MAF: variants seen among roughly 807,000 people sequenced by gnomAD.
MAF encodes transcription factor Maf.
A neutral mutation model predicts 22.0 loss-of-function variants in MAF; 10 were observed. The observed-to-expected ratio is 0.45, with a 90% CI of 0.28 to 0.77. MAF has a LOEUF of 0.77. MAF is among the 30% of genes least tolerant of loss of function. MAF has a pLI of 0.12. For missense variants in MAF, 544 were observed against 548.4 expected (o/e 0.99, Z 0.08); for synonymous variants, 337 against 255.8 (o/e 1.32, Z -3.03).
the MAF span, among the ~76,000 whole-genome samples, chr16:79,455,831 A>C: frequency 2.0e-5 from 3 of 152,158 alleles, no homozygotes. Context: ...CAGCCTGGCC[A>C]ACACGGTGAA....
the MAF span, among the ~76,000 whole-genome samples, chr16:79,396,410 G>C: frequency 5.3e-5 from 8 of 152,212 alleles, no homozygotes; most frequent in Non-Finnish European, 7.3e-5. Context: ...GTTCAAAGAA[G>C]TGGAAACCAC....
chr16:79,364,910 G>A, the MAF span, among the ~76,000 whole-genome samples: 1 of 152,186 alleles, frequency 6.6e-6, no homozygotes, highest in African/African-American at 2.4e-5. Context: ...GTTTATTTGA[G>A]CATTCAGTGA....
the MAF span, among the ~76,000 whole-genome samples, chr16:79,335,298 C>A: frequency 3.9e-5 from 6 of 152,026 alleles, no homozygotes; most frequent in South Asian, 1.2e-3. Flanking sequence ...CTCTTCAAAT[C>A]ATTCTTTATG....
chr16:79,368,882 T>G, the MAF span, among the ~76,000 whole-genome samples: 4 of 152,218 alleles, frequency 2.6e-5, no homozygotes, highest in African/African-American at 4.8e-5. Flanking sequence ...CACTTCTGAC[T>G]TTCTGTCTCT....
chr16:79,389,751 C>A, the MAF span, among the ~76,000 whole-genome samples: 2 of 151,790 alleles, frequency 1.3e-5, no homozygotes, highest in African/African-American at 4.8e-5. Flanking sequence ...CCGACGCGGG[C>A]GGATCACGAG....
the MAF span, among the ~76,000 whole-genome samples, chr16:79,458,927 A>G: frequency 6.6e-6 from 1 of 152,220 alleles, no homozygotes; most frequent in Non-Finnish European, 1.5e-5. Flanking sequence ...AAATGCAGGG[A>G]AAGATGTACT....
chr16:79,598,610 GGTGTGTGCGTGCGGGTT>G (rs1913738800), intron 1 of MAF, 158 bp downstream of exon 1: 1 of 1,412,798 alleles, frequency 7.1e-7, no homozygotes, highest in African/African-American at 1.5e-5. Context: ...GTGTGTGTGT[GGTGTGTGCGTGCGGGTT>G]TGTGTGTGTG....
At chr16:79,400,959 A>G in the MAF span, among the ~76,000 whole-genome samples, 10 of 152,370 alleles carry the variant, frequency 6.6e-5, no homozygotes, top group East Asian at 1.7e-3. Flanking sequence ...TGATAAACAC[A>G]GCAGGGCTCA....
chr16:79,446,953 G>T, the MAF span, among the ~76,000 whole-genome samples: 33 of 152,066 alleles, frequency 2.2e-4, no homozygotes, highest in African/African-American at 7.9e-4. Flanking sequence ...AAAAACAGAA[G>T]AAAAAGTAAA....
chr16:79,255,480 C>T, the MAF span, among the ~76,000 whole-genome samples: 8 of 152,204 alleles, frequency 5.3e-5, no homozygotes, highest in East Asian at 1.9e-4. Context: ...AAAATCCATT[C>T]GAAACTGATC....
At chr16:79,268,516 T>C in the MAF span, among the ~76,000 whole-genome samples, 2 of 152,208 alleles carry the variant, frequency 1.3e-5, no homozygotes, top group Non-Finnish European at 2.9e-5. Context: ...GGTTAGCAAT[T>C]GTGACCACCT....
chr16:79,413,519 C>T, the MAF span, among the ~76,000 whole-genome samples: 3 of 151,704 alleles, frequency 2.0e-5, no homozygotes, highest in East Asian at 5.8e-4. Flanking sequence ...AAGCGTGAGC[C>T]ACCGCGCCCG....
chr16:79,223,188 A>G, the MAF span, among the ~76,000 whole-genome samples: 2 of 152,238 alleles, frequency 1.3e-5, no homozygotes, highest in African/African-American at 2.4e-5. Flanking sequence ...GTGCAATCAT[A>G]TTAGAACTCA....
the MAF span, among the ~76,000 whole-genome samples, chr16:79,515,329 TTTGAC>T: frequency 2.0e-5 from 3 of 152,234 alleles, no homozygotes; most frequent in Admixed American, 1.3e-4. Flanking sequence ...TTATGGAATT[TTTGAC>T]TTTACTACGG....
the MAF span, among the ~76,000 whole-genome samples, chr16:79,524,873 A>G: frequency 6.6e-6 from 1 of 152,226 alleles, no homozygotes; most frequent in African/African-American, 2.4e-5. Context: ...GACAACATTT[A>G]TATCTGCTTA....
the MAF span, among the ~76,000 whole-genome samples, chr16:79,240,487 GAAAAAAAAAAAAAAAAAAAAAAAAAAA>G: frequency 0.34 from 20,814 of 60,998 alleles, 2,874 homozygotes; most frequent in African/African-American, 0.39. Context: ...AGCATCTCTG[GAAAAAAAAAAAAAAAAAAAAAAAAAAA>G]AAAAAAAAAA....
At chr16:79,535,191 G>A in the MAF span, among the ~76,000 whole-genome samples, 2 of 152,136 alleles carry the variant, frequency 1.3e-5, no homozygotes, top group South Asian at 2.1e-4. Flanking sequence ...TCTTATTCAC[G>A]CTGAATTTCT....
chr16:79,546,193 T>C, the MAF span, among the ~76,000 whole-genome samples: 4 of 152,138 alleles, frequency 2.6e-5, no homozygotes, highest in African/African-American at 9.6e-5. Context: ...AAAAGTTCTA[T>C]CATTGTGAGA....
chr16:79,498,335 G>C, the MAF span, among the ~76,000 whole-genome samples: 1 of 152,184 alleles, frequency 6.6e-6, no homozygotes, highest in Non-Finnish European at 1.5e-5. Context: ...GGTATGGCTG[G>C]TTCCAACAAC....
Sources: allele counts gnomAD v4.1 joint callset (sites outside exome capture counted in the v4.1 genomes callset), GRCh38; gene constraint gnomAD v4.1.1; transcripts MANE v1.5; gene names NCBI Gene and HGNC (gene_info 2026-07-23, HGNC 2026-07-21).